The following PDIA5 variants were observed in gnomAD, a reference collection of about 807,000 sequenced individuals.
PDIA5 encodes the protein protein disulfide isomerase family A member 5, also known as protein disulfide-isomerase A5.
A neutral mutation model predicts 77.6 loss-of-function variants in PDIA5; 58 were observed. The ratio of observed to expected loss-of-function variants is 0.75; its 90% CI spans 0.61 to 0.93. The LOEUF (loss-of-function observed/expected upper bound fraction) is 0.93, where lower values mean the gene tolerates loss of function less well. Ranked by LOEUF, PDIA5 falls within the 40% of genes least tolerant of loss-of-function variation. The pLI is 0.00. For synonymous variants in PDIA5, 250 were observed against 252.1 expected (o/e 0.99, Z 0.08); for missense variants, 630 against 647.7 (o/e 0.97, Z 0.30).
intron 1 of PDIA5, among the ~76,000 whole-genome samples, chr3:123,071,490 A>G (rs1000943898): frequency 6.6e-6 from 1 of 152,310 alleles, no homozygotes; most frequent in Non-Finnish European, 1.5e-5. Flanking sequence ...ACGATTATAT[A>G]TTTAATAGGC....
chr3:123,145,798 T>A (rs1935754984), intron 12 of PDIA5, among the ~76,000 whole-genome samples: 1 of 152,196 alleles, frequency 6.6e-6, no homozygotes, highest in Non-Finnish European at 1.5e-5. Context: ...CCCGTGCCCA[T>A]CCAGGTGACC....
chr3:123,082,357 G>A (rs1352634111), intron 1 of PDIA5, among the ~76,000 whole-genome samples: 2 of 152,120 alleles, frequency 1.3e-5, no homozygotes, highest in Non-Finnish European at 2.9e-5. Context: ...CTTACCTACT[G>A]TGTGACCTTG....
chr3:123,147,867 T>TG (rs1935805379), intron 13 of PDIA5, among the ~76,000 whole-genome samples: 1 of 152,176 alleles, frequency 6.6e-6, no homozygotes, highest in Non-Finnish European at 1.5e-5. Context: ...GCGGGGGATC[T>TG]GGCCAGGTCC....
intron 1 of PDIA5, 137 bp downstream of exon 1, chr3:123,067,343 C>A: frequency 1.3e-6 from 1 of 749,240 alleles, no homozygotes; most frequent in Non-Finnish European, 1.8e-6. Context: ...GCATGCCAGG[C>A]AGGCGGGCAC....
At chr3:123,116,584 G>A (rs1306825026) in intron 8 of PDIA5, among the ~76,000 whole-genome samples, 3 of 152,244 alleles carry the variant, frequency 2.0e-5, no homozygotes, top group Non-Finnish European at 4.4e-5. Context: ...AGGGGGCCAG[G>A]GACCAAGGTC....
chr3:123,141,635 A>G (rs963293969), intron 11 of PDIA5, among the ~76,000 whole-genome samples: 15 of 152,256 alleles, frequency 9.9e-5, no homozygotes, highest in African/African-American at 3.6e-4. Context: ...GGACAGGTGC[A>G]GGGAGCAGCA....
chr3:123,097,602 T>C (rs1324410034), intron 3 of PDIA5, among the ~76,000 whole-genome samples: 1 of 152,174 alleles, frequency 6.6e-6, no homozygotes, highest in Non-Finnish European at 1.5e-5. Flanking sequence ...TCTCCTGCCT[T>C]GTATCCTCTA....
rs964585370 is a variant in PDIA5 at position 123,162,058 on chromosome 3, C to T, written c.*98C>T. 13 of 734,594 alleles carry T rather than the reference C, an allele frequency of 1.8e-5. No homozygotes were observed. The highest frequency in any genetic ancestry group is 5.4e-5 in the African/African-American group (3 of 55,932). The allele number at this position is 734,594 out of a possible 1,614,324, so 45.5% of individuals were successfully genotyped here. A position where few individuals can be genotyped will look rare whatever the true frequency, so the allele number is the denominator to read the frequency against. ...GTTCTGAAGACAAATTTTTTATAGC[C>T]GCTTATGGCCATTTTGTACAATTTT... On this transcript the variant is annotated 3_prime_UTR_variant, in exon 17 of 17. Coordinates refer to ENST00000316218, the MANE Select transcript of PDIA5 (RefSeq NM_006810.4).
chr3:123,087,495 A>T (rs1350108913), intron 1 of PDIA5, among the ~76,000 whole-genome samples: 1 of 148,766 alleles, frequency 6.7e-6, no homozygotes, highest in Non-Finnish European at 1.5e-5. Context: ...TTCTACTTCC[A>T]ACCCTAATTA....
At chr3:123,127,293 C>T (rs1350747463) in intron 10 of PDIA5, among the ~76,000 whole-genome samples, 1 of 152,182 alleles carries the variant, frequency 6.6e-6, no homozygotes, top group African/African-American at 2.4e-5. Flanking sequence ...ACATACAAGT[C>T]ATCAAATCTG....
intron 1 of PDIA5, among the ~76,000 whole-genome samples, chr3:123,088,239 T>G (rs80093032): frequency 0.018 from 2,759 of 152,276 alleles, 74 homozygotes; most frequent in African/African-American, 0.058. Context: ...TTATTCACAC[T>G]TTTAATAAAC....
At position 123,115,094 on chromosome 3, in the gene PDIA5, C is replaced by T. The variant is rs541116515; in HGVS notation, c.542-1137C>T. On this transcript the variant is annotated intron_variant, in intron 7 of 16. Coordinates refer to ENST00000316218, the MANE Select transcript of PDIA5 (RefSeq NM_006810.4). ...CATGGATTGGAGCTGGGCTGCCTGT[C>T]GCCACATGGACCCTGTGCCCGCTGT... 3.9e-5 allele frequency among the ~76,000 whole-genome samples: 6 copies of T among 152,282 alleles called. No homozygotes were observed. In the East Asian group the frequency reaches 7.7e-4, roughly 20 times the overall value.
chr3:123,154,382 G>A (rs1217717058), intron 14 of PDIA5, among the ~76,000 whole-genome samples: 3 of 152,116 alleles, frequency 2.0e-5, no homozygotes, highest in Non-Finnish European at 2.9e-5. Context: ...TCTGGTTATT[G>A]TAGAGCAAAG....
rs1560562233 is a variant in PDIA5, at chr3:123,151,903, G to GCCTTCCTTCCTGCCTT, written c.1273+1563_1273+1578dup. 2.5e-4 allele frequency among the ~76,000 whole-genome samples: 27 copies of GCCTTCCTTCCTGCCTT among 106,666 alleles called. No homozygotes were observed. In the East Asian group the frequency reaches 4.0e-3, roughly 16 times the overall value. The allele number at this position is 106,666 out of a possible 152,430, so 70.0% of individuals were successfully genotyped here. A position where few individuals can be genotyped will look rare whatever the true frequency, so the allele number is the denominator to read the frequency against. On this transcript the variant is annotated intron_variant, in intron 14 of 16. Coordinates refer to ENST00000316218, the MANE Select transcript of PDIA5 (RefSeq NM_006810.4). ...TTCCTGCCTGCCTTCCTTCCTGCCT[G>GCCTTCCTTCCTGCCTT]CCTTCCTTCCTGCCTTCCTTCCTTC...
At chr3:123,134,562 T>G (rs1001612798) in intron 11 of PDIA5, among the ~76,000 whole-genome samples, 1 of 151,974 alleles carries the variant, frequency 6.6e-6, no homozygotes, top group Admixed American at 6.6e-5. Flanking sequence ...TTTACCCTCT[T>G]CCCAGCACTC....
intron 3 of PDIA5, among the ~76,000 whole-genome samples, chr3:123,092,879 C>T (rs1039722646): frequency 3.9e-5 from 6 of 152,232 alleles, no homozygotes; most frequent in Admixed American, 6.5e-5. Flanking sequence ...TACCACTAGA[C>T]GCCTCTGCTG....
intron 7 of PDIA5, 28 bp from the exon 8 acceptor site, chr3:123,116,203 A>T: frequency 6.2e-7 from 1 of 1,602,698 alleles, no homozygotes; most frequent in South Asian, 1.1e-5. Context: ...CTGTAACCGG[A>T]TGTGGTCTCT....
intron 1 of PDIA5, among the ~76,000 whole-genome samples, chr3:123,077,549 T>TACACACACACAC (rs368009624): frequency 7.3e-6 from 1 of 136,414 alleles, no homozygotes; most frequent in East Asian, 2.2e-4. Context: ...CTCACACACA[T>TACACACACACAC]ACACACACAC....
In PDIA5 at chr3:123,161,864, TCCC is replaced by T; in HGVS notation, c.1480-15_1480-13del. 1 of 1,510,880 alleles carries T rather than the reference TCCC, an allele frequency of 6.6e-7. No individual in the cohort carries two copies. The highest frequency in any genetic ancestry group is 9.2e-7 in the Non-Finnish European group (1 of 1,086,386). 93.6% of individuals were successfully genotyped at this position (1,510,880 alleles called of 1,614,324 possible). On this transcript the variant is annotated splice_polypyrimidine_tract_variant and intron_variant, in intron 16 of 16. Transcript: ENST00000316218. ...TTAAAGCTCTTTCTCTCTCTCTCTC[TCCC>T]ACTTCCCTGCAGGAATTGGGATTTA...
Sources: gnomAD v4.1 joint callset for allele counts (sites outside exome capture counted in the v4.1 genomes callset) on GRCh38, gnomAD v4.1.1 for gene constraint, MANE v1.5 for transcripts, NCBI Gene and HGNC (gene_info 2026-07-23, HGNC 2026-07-21) for gene names.